VPS13B: variants seen among roughly 807,000 people sequenced by gnomAD.
VPS13B encodes intermembrane lipid transfer protein VPS13B.
In VPS13B, 285 loss-of-function variants were observed where a neutral mutation model predicts 426.4. The observed-to-expected ratio is 0.67, with a 90% CI of 0.61 to 0.74. The LOEUF is 0.74. Ranked by LOEUF, VPS13B falls within the 30% of genes least tolerant of loss-of-function variation. The pLI is 0.00. For missense variants in VPS13B, 4,537 were observed against 4,782.6 expected, an observed-to-expected ratio of 0.95 and a Z score of 1.51; for synonymous variants, 1,676 against 1,676.4, an observed-to-expected ratio of 1.00 and a Z score of 0.01.
intron 21 of VPS13B, among the ~76,000 whole-genome samples, chr8:99,402,735 T>C (rs757403354): frequency 5.3e-5 from 8 of 152,142 alleles, no homozygotes; most frequent in African/African-American, 1.7e-4. Flanking sequence ...GTGAATATAC[T>C]AATAGAAGGA....
intron 4 of VPS13B, among the ~76,000 whole-genome samples, chr8:99,098,211 C>G (rs1041283772): frequency 6.6e-6 from 1 of 152,126 alleles, no homozygotes; most frequent in East Asian, 1.9e-4. Context: ...AGTAGCTGCT[C>G]CATACATTCT....
chr8:99,194,863 G>A (rs963962686), intron 17 of VPS13B, among the ~76,000 whole-genome samples: 2 of 150,674 alleles, frequency 1.3e-5, no homozygotes, highest in Non-Finnish European at 3.0e-5. Context: ...TCTTTTTTTT[G>A]TGAGATGGAG....
chr8:99,693,084 A>G (rs2130106468), intron 35 of VPS13B, among the ~76,000 whole-genome samples: 1 of 141,482 alleles, frequency 7.1e-6, no homozygotes, highest in South Asian at 2.3e-4. Flanking sequence ...GTCCAGGACC[A>G]GATGGATTCA....
intron 43 of VPS13B, among the ~76,000 whole-genome samples, chr8:99,807,685 G>GTA (rs1430024058): frequency 6.6e-6 from 1 of 151,596 alleles, no homozygotes; most frequent in Non-Finnish European, 1.5e-5. Flanking sequence ...GTTTGTGTGT[G>GTA]TGTGTGTGTG....
At chr8:99,773,292 T>C (rs1811601546) in intron 40 of VPS13B, among the ~76,000 whole-genome samples, 1 of 152,212 alleles carries the variant, frequency 6.6e-6, no homozygotes, top group Non-Finnish European at 1.5e-5. Context: ...ATTCTCTGCT[T>C]AATCTCACAA....
Position 99,121,347 on chromosome 8 carries a change from G to A in VPS13B, c.1108G>A (p.Asp370Asn), listed in dbSNP as rs748531719. 6.2e-7 allele frequency: 1 copy of A among 1,614,150 alleles called. No individual in the cohort carries two copies. Among genetic ancestry groups the A allele is most frequent in the South Asian group, 1.1e-5 (1 of 91,078 alleles). The change falls in exon 8 of 62, where the codon GAT (aspartate) becomes AAT (asparagine). Residue 370 changes from aspartate (D) to asparagine (N), a missense_variant. Around this residue, in one of 2 missense-constraint regions of VPS13B, gnomAD observed 4,311 missense variants for 4,474.3 expected, o/e 0.96. Coordinates refer to ENST00000357162, the MANE Select transcript of VPS13B (RefSeq NM_152564.5). ...DDGEEDFVGN[D>N]PASTMHQQKA... ...TGGCGAGGAAGACTTTGTTGGGAAC[G>A]ATCCTGCATCAACCATGCATCAACA...
At chr8:99,568,996 G>A (rs377231180) in intron 31 of VPS13B, among the ~76,000 whole-genome samples, 1 of 151,602 alleles carries the variant, frequency 6.6e-6, no homozygotes, top group Admixed American at 6.6e-5. Context: ...TGTTGTTGTT[G>A]TATTTTTAGT....
At chr8:99,367,943 C>T (rs1007329525) in intron 19 of VPS13B, among the ~76,000 whole-genome samples, 5 of 152,138 alleles carry the variant, frequency 3.3e-5, no homozygotes, top group African/African-American at 9.7e-5. Context: ...CGTGAGCCAC[C>T]GCACCTGACC....
chr8:99,170,158 A>G lies in VPS13B; in HGVS notation c.2328A>G (p.Thr776=), dbSNP rs760800494. The change falls in exon 16 of 62, where the codon ACA becomes ACG. Residue 776 remains threonine (T), a synonymous_variant. Coordinates refer to ENST00000357162, the MANE Select transcript of VPS13B (RefSeq NM_152564.5). The part of the protein sequence containing the change: ...ALYGKLLKLP[T]CWTKRSQIAI... ...ATGGGAAACTTCTGAAACTCCCCAC[A>G]TGCTGGTAAGTCTTACATGTTAAAA... 9 of 1,612,414 alleles carry G rather than the reference A, an allele frequency of 5.6e-6. No individual in the cohort carries two copies. In the African/African-American group the frequency reaches 1.1e-4, roughly 19 times the overall value.
chr8:99,411,300 C>G (rs1815648909), intron 21 of VPS13B, among the ~76,000 whole-genome samples: 1 of 152,194 alleles, frequency 6.6e-6, no homozygotes, highest in Non-Finnish European at 1.5e-5. Context: ...ATTTGCATTT[C>G]TCTAATGACC....
chr8:99,659,729 C>G lies in VPS13B; in HGVS notation c.5909-1625C>G, dbSNP rs556452318. 1.6e-4 allele frequency among the ~76,000 whole-genome samples: 25 copies of G among 152,266 alleles called. No individual in the cohort carries two copies. In the South Asian group the frequency reaches 5.2e-3, roughly 32 times the overall value. On this transcript the variant is annotated intron_variant, in intron 34 of 61. Coordinates refer to ENST00000357162, the MANE Select transcript of VPS13B (RefSeq NM_152564.5). ...ATACATCATATTAACATTTCTACAT[C>G]AATTTAATCATCTCTGTTCATTATT...
chr8:99,135,343 G>A (rs1810019139), intron 10 of VPS13B, among the ~76,000 whole-genome samples: 1 of 152,078 alleles, frequency 6.6e-6, no homozygotes, highest in South Asian at 2.1e-4. Context: ...CACCTGGACA[G>A]TAGTTCCAAC....
intron 35 of VPS13B, among the ~76,000 whole-genome samples, chr8:99,678,663 T>C (rs1831039473): frequency 6.6e-6 from 1 of 152,182 alleles, no homozygotes. Flanking sequence ...TTTGTGATGC[T>C]AGCACCCATT....
intron 17 of VPS13B, among the ~76,000 whole-genome samples, chr8:99,219,911 GT>G (rs761595854): frequency 5.3e-5 from 8 of 152,146 alleles, no homozygotes; most frequent in Non-Finnish European, 1.0e-4. Flanking sequence ...TGAATATGCT[GT>G]TTTCATTTGA....
At chr8:99,583,513 T>A (rs183985258) in intron 33 of VPS13B, among the ~76,000 whole-genome samples, 71 of 152,092 alleles carry the variant, frequency 4.7e-4, no homozygotes, top group African/African-American at 1.6e-3. Flanking sequence ...ATGGTAGAGG[T>A]TGTTTGGGGT....
At chr8:99,683,894 GA>G (rs1170230073) in intron 35 of VPS13B, among the ~76,000 whole-genome samples, 1 of 152,158 alleles carries the variant, frequency 6.6e-6, no homozygotes, top group Non-Finnish European at 1.5e-5. Flanking sequence ...TGAATAATAA[GA>G]AGGGACATCC....
chr8:99,765,403 C>A (rs1028550416), intron 39 of VPS13B, among the ~76,000 whole-genome samples: 1 of 152,148 alleles, frequency 6.6e-6, no homozygotes, highest in Non-Finnish European at 1.5e-5. Context: ...TTTGTGTTTA[C>A]TGGCTGGTTA....
chr8:99,512,493 T>C (rs1037333290), intron 29 of VPS13B, among the ~76,000 whole-genome samples: 1 of 152,202 alleles, frequency 6.6e-6, no homozygotes, highest in African/African-American at 2.4e-5. Flanking sequence ...TCTACGTTTT[T>C]ATACAGATAA....
At chr8:99,024,808 A>G (rs960584522) in intron 2 of VPS13B, among the ~76,000 whole-genome samples, 1 of 152,186 alleles carries the variant, frequency 6.6e-6, no homozygotes, top group African/African-American at 2.4e-5. Flanking sequence ...TACAAATTTT[A>G]TCTTTGCTTG....
Sources: gnomAD v4.1 joint callset for allele counts (sites outside exome capture counted in the v4.1 genomes callset) on GRCh38, gnomAD v4.1.1 for gene constraint, gnomAD v4.1.1 regional missense constraint, MANE v1.5 for transcripts, NCBI Gene and HGNC (gene_info 2026-07-23, HGNC 2026-07-21) for gene names.